Variants in STK39 observed in about 807,000 individuals in gnomAD.
The protein encoded by STK39 is STE20/SPS1-related proline-alanine-rich protein kinase.
Under a neutral mutation model 77.8 loss-of-function variants are expected in STK39, and 20 were observed. The ratio of observed to expected loss-of-function variants is 0.26; its 90% CI spans 0.18 to 0.37. The LOEUF (loss-of-function observed/expected upper bound fraction) is 0.37. Among genes scored for constraint, STK39 ranks in the 10% least tolerant of loss-of-function variants. STK39 has a pLI of 1.00. For missense variants in STK39, 479 were observed against 656.5 expected (o/e 0.73, Z 2.95); for synonymous variants, 246 against 234.1 (o/e 1.05, Z -0.47).
chr2:168,026,055 G>C lies in STK39; in HGVS notation c.1377-8960C>G, dbSNP rs567944066. ...AACAAGCTGTGTGAAAACACTGTAT[G>C]AACTCTGTGCTACTGCTATAAGCCA... is the stretch of plus-strand genomic sequence containing the variant. On this transcript the variant is annotated intron_variant, in intron 14 of 17. Transcript: ENST00000355999. Among the ~76,000 whole-genome samples, 6 of 152,326 alleles carry C rather than the reference G, an allele frequency of 3.9e-5. No homozygotes were observed. In the East Asian group the frequency reaches 1.2e-3, roughly 29 times the overall value.
chr2:168,148,893 C>T (rs1232761837), intron 5 of STK39, among the ~76,000 whole-genome samples: 7 of 152,118 alleles, frequency 4.6e-5, no homozygotes, highest in Non-Finnish European at 7.4e-5. Context: ...ATTGAACAGG[C>T]CTGAATGTTA....
intron 1 of STK39, among the ~76,000 whole-genome samples, chr2:168,240,288 GTGA>G (rs1381653537): frequency 6.6e-6 from 1 of 152,236 alleles, no homozygotes; most frequent in Non-Finnish European, 1.5e-5. Context: ...AGTCTTGAGG[GTGA>G]CGGGAGAGCT....
intron 10 of STK39, among the ~76,000 whole-genome samples, chr2:168,091,687 CCTT>C (rs980059457): frequency 1.3e-5 from 2 of 152,026 alleles, no homozygotes; most frequent in African/African-American, 4.8e-5. Context: ...ATTTTTGTTA[CCTT>C]TTTTTTAATG....
chr2:168,087,108 A>G (rs1290420432), intron 10 of STK39, among the ~76,000 whole-genome samples: 1 of 152,258 alleles, frequency 6.6e-6, no homozygotes, highest in African/African-American at 2.4e-5. Flanking sequence ...AGAAGAGAAA[A>G]CACACATCAT....
At chr2:168,168,765 C>T (rs771173344) in intron 2 of STK39, among the ~76,000 whole-genome samples, 1 of 152,156 alleles carries the variant, frequency 6.6e-6, no homozygotes, top group Non-Finnish European at 1.5e-5. Context: ...CCGCAGCAGG[C>T]GGATCACCCG....
chr2:168,065,672 C>A (rs1685774255), intron 12 of STK39, among the ~76,000 whole-genome samples: 1 of 151,994 alleles, frequency 6.6e-6, no homozygotes, highest in Non-Finnish European at 1.5e-5. Flanking sequence ...AACCACTAAG[C>A]TAAAGTGAAA....
At chr2:168,042,974 TTAAATATG>T (rs975517201) in intron 14 of STK39, among the ~76,000 whole-genome samples, 6 of 152,280 alleles carry the variant, frequency 3.9e-5, no homozygotes, top group African/African-American at 1.4e-4. Context: ...TATGTAAATG[TTAAATATG>T]TATTTGGTAG....
chr2:168,208,630 G>A (rs758851845), intron 1 of STK39, among the ~76,000 whole-genome samples: 24 of 152,118 alleles, frequency 1.6e-4, no homozygotes, highest in African/African-American at 9.7e-5. Flanking sequence ...ATTTAGACAC[G>A]TGTGATAGAC....
At chr2:168,007,089 G>A (rs1684150638) in intron 16 of STK39, among the ~76,000 whole-genome samples, 1 of 152,168 alleles carries the variant, frequency 6.6e-6, no homozygotes, top group East Asian at 1.9e-4. Flanking sequence ...AAAAGAAAAT[G>A]CTGATGGGAA....
At chr2:167,979,480 C>T (rs1683362005) in intron 16 of STK39, among the ~76,000 whole-genome samples, 1 of 152,138 alleles carries the variant, frequency 6.6e-6, no homozygotes, top group Non-Finnish European at 1.5e-5. Context: ...TACTTTCTGA[C>T]AATAAAGGTC....
At chr2:167,980,724 C>T (rs1037122641) in intron 16 of STK39, among the ~76,000 whole-genome samples, 1 of 150,280 alleles carries the variant, frequency 6.7e-6, no homozygotes, top group Non-Finnish European at 1.5e-5. Context: ...TGGGGAAGGA[C>T]ATCTACTTTA....
chr2:168,070,183 G>A (rs1273377164), intron 12 of STK39, among the ~76,000 whole-genome samples: 1 of 151,880 alleles, frequency 6.6e-6, no homozygotes, highest in Non-Finnish European at 1.5e-5. Context: ...CCCCTTCCCC[G>A]ACCCCCAAAG....
intron 5 of STK39, among the ~76,000 whole-genome samples, chr2:168,157,428 G>T (rs1688461812): frequency 6.6e-6 from 1 of 152,170 alleles, no homozygotes; most frequent in Non-Finnish European, 1.5e-5. Flanking sequence ...CACTGTCTTT[G>T]TGTATTGGGC....
intron 1 of STK39, among the ~76,000 whole-genome samples, chr2:168,193,308 T>C (rs1433730486): frequency 2.0e-5 from 3 of 151,946 alleles, no homozygotes; most frequent in Non-Finnish European, 1.5e-5. Context: ...TTCCCCCCCC[T>C]CTTCACACAC....
At chr2:168,150,996 A>T (rs1688265512) in intron 5 of STK39, among the ~76,000 whole-genome samples, 1 of 152,054 alleles carries the variant, frequency 6.6e-6, no homozygotes, top group Non-Finnish European at 1.5e-5. Context: ...CTTGAAAGCA[A>T]ATGGTGCTCA....
chr2:168,048,711 C>T (rs1266499195), intron 14 of STK39, among the ~76,000 whole-genome samples: 1 of 152,156 alleles, frequency 6.6e-6, no homozygotes, highest in Non-Finnish European at 1.5e-5. Context: ...TTCTTTCCAC[C>T]ACCTTTGTTG....
Position 168,083,648 on chromosome 2 carries a change from C to T in STK39, c.1090-8417G>A, listed in dbSNP as rs746378380. Among the ~76,000 whole-genome samples the T allele has an allele frequency of 6.6e-5, 10 of 152,004 alleles. No homozygotes were observed. In the Middle Eastern group the frequency reaches 0.014, roughly 207 times the overall value. On this transcript the variant is annotated intron_variant, in intron 10 of 17. Coordinates refer to ENST00000355999, the MANE Select transcript of STK39 (RefSeq NM_013233.3). ...GGTAGCTGCTAGAGCATTAGCCCAG[C>T]AAGCAGAGAAAGCAAAAACTTAGCA...
chr2:168,117,762 G>A (rs936478120), intron 10 of STK39, among the ~76,000 whole-genome samples: 3 of 152,094 alleles, frequency 2.0e-5, no homozygotes, highest in African/African-American at 4.8e-5. Flanking sequence ...GGCCGAGGTG[G>A]CCCGTGGCTG....
chr2:168,170,808 G>A (rs1029125584), intron 2 of STK39, among the ~76,000 whole-genome samples: 2 of 152,164 alleles, frequency 1.3e-5, no homozygotes, highest in East Asian at 1.9e-4. Flanking sequence ...TGGAGGAGAG[G>A]GGTAAGAAGC....
Sources: gnomAD v4.1 joint callset for allele counts (sites outside exome capture counted in the v4.1 genomes callset) on GRCh38, gnomAD v4.1.1 for gene constraint, MANE v1.5 for transcripts, NCBI Gene and HGNC (gene_info 2026-07-23, HGNC 2026-07-21) for gene names.